The following FBXO22 variants were observed in gnomAD, a reference collection of about 807,000 sequenced individuals.
FBXO22 encodes the protein F-box only protein 22.
A neutral mutation model predicts 37.2 loss-of-function variants in FBXO22; 13 were observed. The observed-to-expected ratio is 0.35, with a 90% CI of 0.23 to 0.56. The LOEUF is 0.56. Ranked by LOEUF, FBXO22 falls within the 20% of genes least tolerant of loss-of-function variation. The pLI, the probability that FBXO22 is intolerant of heterozygous loss-of-function variation, is 0.87. For missense variants in FBXO22, 446 were observed against 509.9 expected, an observed-to-expected ratio of 0.87 and a Z score of 1.21; for synonymous variants, 189 against 189.1, an observed-to-expected ratio of 1.00 and a Z score of 0.00.
chr15:75,940,551 G>C lies in FBXO22; in HGVS notation c.*7449G>C, dbSNP rs2030842923. ...TAGCCAAGTCAGTCTTGAGAAAGAA[G>C]AACAAATTGGAGGACTTAAACCTGC... On this transcript the variant is annotated 3_prime_UTR_variant, in exon 7 of 7. Transcript: ENST00000308275. 6.6e-6 allele frequency: 1 copy of C among 150,968 alleles called. No individual in the cohort carries two copies. The highest frequency in any genetic ancestry group is 1.5e-5 in the Non-Finnish European group (1 of 67,798). The allele number at this position is 150,968 out of a possible 1,614,324, so 9.4% of individuals were successfully genotyped here.
chr15:75,909,893 T>A (rs1457452145), intron 2 of FBXO22, among the ~76,000 whole-genome samples: 1 of 152,086 alleles, frequency 6.6e-6, no homozygotes, highest in Non-Finnish European at 1.5e-5. Context: ...ATTAGGTATT[T>A]CTCCTAATGC....
intron 2 of FBXO22, among the ~76,000 whole-genome samples, chr15:75,911,529 G>A (rs1234589734): frequency 6.6e-6 from 1 of 152,060 alleles, no homozygotes; most frequent in Non-Finnish European, 1.5e-5. Context: ...AGTAGCAATT[G>A]TGAATGGGAG....
chr15:75,913,762 G>T (rs910049832), intron 3 of FBXO22, among the ~76,000 whole-genome samples: 10 of 152,118 alleles, frequency 6.6e-5, no homozygotes, highest in African/African-American at 2.4e-4. Context: ...TGATCCAGGT[G>T]ACTGTTGATG....
At chr15:75,905,256 A>G (rs1040920649) in intron 2 of FBXO22, among the ~76,000 whole-genome samples, 3 of 152,206 alleles carry the variant, frequency 2.0e-5, no homozygotes, top group Non-Finnish European at 4.4e-5. Flanking sequence ...TGTCTTGCTC[A>G]GTGAGCACAC....
chr15:75,916,078 A>C (rs1900178639), intron 4 of FBXO22, among the ~76,000 whole-genome samples: 1 of 120,548 alleles, frequency 8.3e-6, no homozygotes, highest in Non-Finnish European at 1.8e-5. Context: ...AAAAAAAAAA[A>C]AGTTTATTTC....
In FBXO22 at chr15:75,934,571, C is replaced by T. The variant is rs575722119; in HGVS notation, c.*1469C>T. The T allele has an allele frequency of 2.6e-5, 4 of 152,030 alleles. No homozygotes were observed. The highest frequency in any genetic ancestry group is 9.6e-5 in the African/African-American group (4 of 41,464). The allele number at this position is 152,030 out of a possible 1,614,324, so 9.4% of individuals were successfully genotyped here. ...TAAAACTGAAAATATTTTTCTCTTG[C>T]TATTTATATATATATGATAAAAATG... On this transcript the variant is annotated 3_prime_UTR_variant, in exon 7 of 7. Transcript: ENST00000308275.
chr15:75,922,690 C>T (rs190619210), intron 5 of FBXO22, among the ~76,000 whole-genome samples: 30 of 152,318 alleles, frequency 2.0e-4, no homozygotes, highest in Admixed American at 1.8e-3. Flanking sequence ...ACTCAGATGT[C>T]ATCGAGCAGA....
rs2030948844 is a variant in FBXO22 at position 75,941,471 on chromosome 15, T to G, written c.*8369T>G. ...GCGGAGGCTTGAGGGTATATTTGTA[T>G]ACCAGTGTTCACTGCAGCATTATTC... On this transcript the variant is annotated 3_prime_UTR_variant, in exon 7 of 7. Coordinates refer to ENST00000308275, the MANE Select transcript of FBXO22 (RefSeq NM_147188.3). 5.3e-5 allele frequency: 8 copies of G among 152,162 alleles called. 1 individual carries two copies. 9.4% of individuals were successfully genotyped at this position (152,162 alleles called of 1,614,324 possible). A position where few individuals can be genotyped will look rare whatever the true frequency, so the allele number is the denominator to read the frequency against.
chr15:75,940,563 G>C lies in FBXO22; in HGVS notation c.*7461G>C, dbSNP rs1396566385. 6.6e-6 allele frequency: 1 copy of C among 151,498 alleles called. No individual in the cohort carries two copies. The highest frequency in any genetic ancestry group is 2.4e-5 in the African/African-American group (1 of 41,194). 9.4% of individuals were successfully genotyped at this position (151,498 alleles called of 1,614,324 possible). On this transcript the variant is annotated 3_prime_UTR_variant, in exon 7 of 7. Coordinates refer to ENST00000308275, the MANE Select transcript of FBXO22 (RefSeq NM_147188.3). ...TCTTGAGAAAGAAGAACAAATTGGAGGACTTAAACCTGCAGAGTTTAAAAC... is the reference window on the plus strand; with the variant it reads ...TCTTGAGAAAGAAGAACAAATTGGACGACTTAAACCTGCAGAGTTTAAAAC...
rs934878175 is a variant in FBXO22 at position 75,934,429 on chromosome 15, T to C, written c.*1327T>C. 8 of 152,360 alleles carry C rather than the reference T, an allele frequency of 5.3e-5. No homozygotes were observed. The highest frequency in any genetic ancestry group is 1.9e-4 in the East Asian group (1 of 5,194). 9.4% of individuals were successfully genotyped at this position (152,360 alleles called of 1,614,324 possible). A position where few individuals can be genotyped will look rare whatever the true frequency, so the allele number is the denominator to read the frequency against. On this transcript the variant is annotated 3_prime_UTR_variant, in exon 7 of 7. Coordinates refer to ENST00000308275, the MANE Select transcript of FBXO22 (RefSeq NM_147188.3). Reference sequence around the variant, plus strand: ...TACAGTATGATGTAACTAATGTTACTTTTGTAACAGTCAGTGGTTTGTTCT... The same window carrying C: ...TACAGTATGATGTAACTAATGTTACCTTTGTAACAGTCAGTGGTTTGTTCT...
At chr15:75,919,603 G>A (rs1343018958) in intron 5 of FBXO22, among the ~76,000 whole-genome samples, 2 of 152,184 alleles carry the variant, frequency 1.3e-5, no homozygotes, top group Admixed American at 6.5e-5. Flanking sequence ...TGAATTCACA[G>A]AATTGTGAAG....
At chr15:75,923,106 C>G (rs1329719257) in intron 5 of FBXO22, among the ~76,000 whole-genome samples, 2 of 152,118 alleles carry the variant, frequency 1.3e-5, no homozygotes, top group Non-Finnish European at 2.9e-5. Context: ...CTCTGTCCAC[C>G]TGAGCATCCT....
intron 6 of FBXO22, 32 bp from the exon 7 acceptor site, chr15:75,932,653 A>T: frequency 6.5e-7 from 1 of 1,539,192 alleles, no homozygotes; most frequent in Non-Finnish European, 8.7e-7. Flanking sequence ...TTAATGTTTC[A>T]TGAGATATTG....
chr15:75,929,477 T>C (rs1392624982), intron 5 of FBXO22, among the ~76,000 whole-genome samples: 1 of 151,936 alleles, frequency 6.6e-6, no homozygotes, highest in Non-Finnish European at 1.5e-5. Context: ...AATCTGTAAA[T>C]TCTCACTGCT....
intron 4 of FBXO22, among the ~76,000 whole-genome samples, chr15:75,915,770 G>A (rs1196969545): frequency 6.6e-6 from 1 of 151,910 alleles, no homozygotes; most frequent in Non-Finnish European, 1.5e-5. Context: ...CATGATGGCG[G>A]GCACCTGTAA....
rs1555428384 is a variant in FBXO22 at position 75,941,960 on chromosome 15, A to ACAAC, written c.*8858_*8859insCAAC. On this transcript the variant is annotated 3_prime_UTR_variant, in exon 7 of 7. Transcript: ENST00000308275. ...ACCACCAAAAAAAAAAAAAAAAAAA[A>ACAAC]ATATGGCCTAGCTTTTTTTTTTTTT... 4.3e-5 allele frequency: 4 copies of ACAAC among 93,766 alleles called. No individual in the cohort carries two copies. The highest frequency in any genetic ancestry group is 7.8e-5 in the African/African-American group (2 of 25,782). The allele number at this position is 93,766 out of a possible 1,614,324, so 5.8% of individuals were successfully genotyped here.
chr15:75,922,339 C>G (rs1283474772), intron 5 of FBXO22, among the ~76,000 whole-genome samples: 1 of 152,204 alleles, frequency 6.6e-6, no homozygotes, highest in Non-Finnish European at 1.5e-5. Context: ...ATAATCATAA[C>G]CCAAGTGAGT....
Position 75,933,783 on chromosome 15 carries a change from A to G in FBXO22, c.*681A>G. 1 of 288,010 alleles carries G rather than the reference A, an allele frequency of 3.5e-6. No homozygotes were observed. Among genetic ancestry groups the G allele is most frequent in the South Asian group, 2.9e-5 (1 of 34,264 alleles). 17.8% of individuals were successfully genotyped at this position (288,010 alleles called of 1,614,324 possible). ...AACTGGTAGACCAGAGTATTACATCATCTTATTTTGGTTTTATACCAATAA... is the reference window on the plus strand; with the variant it reads ...AACTGGTAGACCAGAGTATTACATCGTCTTATTTTGGTTTTATACCAATAA... On this transcript the variant is annotated 3_prime_UTR_variant, in exon 7 of 7. Transcript: ENST00000308275.
rs182535910 is a variant in FBXO22 at position 75,908,509 on chromosome 15, A to G, written c.279+3880A>G. The stretch of plus-strand genomic sequence containing the variant: ...GCTGGTCTCACCCTGGCCTCAGGCA[A>G]TCCACCCACCGTGGCCTCCCAAAGT... On this transcript the variant is annotated intron_variant, in intron 2 of 6. Transcript: ENST00000308275. 4.4e-3 allele frequency among the ~76,000 whole-genome samples: 672 copies of G among 152,186 alleles called. 4 individuals carry two copies. Among genetic ancestry groups the G allele is most frequent in the African/African-American group, 0.015 (608 of 41,534 alleles).
Sources: allele counts gnomAD v4.1 joint callset (sites outside exome capture counted in the v4.1 genomes callset), GRCh38; gene constraint gnomAD v4.1.1; transcripts MANE v1.5; gene names NCBI Gene and HGNC (gene_info 2026-07-23, HGNC 2026-07-21).